The following CRHR1 variants were observed in gnomAD, a reference collection of about 807,000 sequenced individuals.
CRHR1 encodes corticotropin-releasing hormone receptor 1.
In CRHR1, 28 loss-of-function variants were observed where a neutral mutation model predicts 56.0. That is an observed-to-expected ratio of 0.50 (90% confidence interval 0.37 to 0.69). The LOEUF is 0.69. Ranked by LOEUF, CRHR1 falls within the 30% of genes least tolerant of loss-of-function variation. The probability of loss-of-function intolerance (pLI) is 0.00; values close to 1 mark genes in which losing one functional copy is unlikely to be tolerated. For missense variants in CRHR1, 376 were observed against 548.0 expected (o/e 0.69, Z 3.13); for synonymous variants, 195 against 216.5 (o/e 0.90, Z 0.87).
At chr17:45,830,345 G>C in intron 6 of CRHR1, 72 bp from the exon 7 acceptor site, 1 of 1,580,526 alleles carries the variant, frequency 6.3e-7, no homozygotes, top group Non-Finnish European at 8.6e-7. Context: ...CCTGCCCTGG[G>C]GAGGCCCAGG....
At chr17:45,798,770 G>A (rs892943964) in intron 1 of CRHR1, among the ~76,000 whole-genome samples, 5 of 152,240 alleles carry the variant, frequency 3.3e-5, no homozygotes, top group East Asian at 1.9e-4. Context: ...ACCCTGAGCC[G>A]GGGCCCCAGG....
Position 45,804,251 on chromosome 17 carries a change from T to C in CRHR1, c.34-2759T>C, listed in dbSNP as rs184165357. On this transcript the variant is annotated intron_variant, in intron 1 of 12. Transcript: ENST00000314537. The stretch of plus-strand genomic sequence containing the variant: ...AGTGTCCCGTGTGCAGAGCACAGGA[T>C]GGGGGTGTGAGGCTGGGGTTATGCT... 2.5e-3 allele frequency among the ~76,000 whole-genome samples: 387 copies of C among 151,962 alleles called. 1 individual carries two copies. Among genetic ancestry groups the C allele is most frequent in the African/African-American group, 9.0e-3 (372 of 41,342 alleles).
chr17:45,834,106 C>T lies in CRHR1; in HGVS notation c.1107+58C>T, dbSNP rs144395327. The T allele has an allele frequency of 4.6e-5, 73 of 1,587,240 alleles. No homozygotes were observed. In the African/African-American group the frequency reaches 6.2e-4, roughly 13 times the overall value. ...GGGCTGTGAGGCCTGTTGGGACTGG[C>T]GATTGTCTAGAGCCTTCTCCTCCCC... On this transcript the variant is annotated intron_variant, in intron 12 of 12. Coordinates refer to ENST00000314537, the MANE Select transcript of CRHR1 (RefSeq NM_004382.5).
chr17:45,809,179 A>C (rs1053698009), intron 2 of CRHR1, among the ~76,000 whole-genome samples: 4 of 152,190 alleles, frequency 2.6e-5, no homozygotes, highest in Admixed American at 2.0e-4. Context: ...TGGCGGAAGG[A>C]CCAGGAAGAA....
chr17:45,788,877 C>A (rs1340590792), intron 1 of CRHR1, among the ~76,000 whole-genome samples: 2 of 152,146 alleles, frequency 1.3e-5, no homozygotes, highest in Non-Finnish European at 2.9e-5. Flanking sequence ...TTGGAAAGAA[C>A]CCGTTTCTGT....
chr17:45,820,881 T>C (rs572100104), intron 3 of CRHR1, among the ~76,000 whole-genome samples: 2 of 152,324 alleles, frequency 1.3e-5, no homozygotes, highest in South Asian at 4.1e-4. Context: ...AGCCCTGTCA[T>C]GCCACCTGCC....
At chr17:45,833,587 C>A (rs1020401059) in intron 10 of CRHR1, 50 bp downstream of exon 10, 4 of 1,596,848 alleles carry the variant, frequency 2.5e-6, no homozygotes, top group Non-Finnish European at 3.4e-6. Flanking sequence ...AACCCCTGCT[C>A]CCCATGCCTC....
At chr17:45,815,944 G>A (rs2061918487) in intron 2 of CRHR1, among the ~76,000 whole-genome samples, 1 of 152,240 alleles carries the variant, frequency 6.6e-6, no homozygotes, top group Non-Finnish European at 1.5e-5. Context: ...AGAAGGAACA[G>A]GCCAGCCGGA....
chr17:45,811,587 T>C (rs1417020963), intron 2 of CRHR1, among the ~76,000 whole-genome samples: 1 of 152,182 alleles, frequency 6.6e-6, no homozygotes, highest in Non-Finnish European at 1.5e-5. Flanking sequence ...TGAAGGCGTC[T>C]ACCTGCCCCG....
At chr17:45,822,783 G>A (rs937117142) in intron 4 of CRHR1, among the ~76,000 whole-genome samples, 13 of 151,820 alleles carry the variant, frequency 8.6e-5, no homozygotes, top group Non-Finnish European at 1.5e-4. Flanking sequence ...ACCAGGAGGC[G>A]GAGGTTGCAG....
intron 2 of CRHR1, among the ~76,000 whole-genome samples, chr17:45,814,651 C>T (rs2061891470): frequency 6.6e-6 from 1 of 152,168 alleles, no homozygotes; most frequent in Non-Finnish European, 1.5e-5. Flanking sequence ...AAGTCCCTGT[C>T]CCCGGGCTCA....
chr17:45,810,812 A>G (rs1341507714), intron 2 of CRHR1, among the ~76,000 whole-genome samples: 2 of 152,104 alleles, frequency 1.3e-5, no homozygotes, highest in African/African-American at 4.8e-5. Flanking sequence ...AGCCAAACAG[A>G]AGGCAGCTCA....
chr17:45,819,984 A>G (rs1324353506), intron 3 of CRHR1, among the ~76,000 whole-genome samples: 10 of 152,146 alleles, frequency 6.6e-5, no homozygotes, highest in Non-Finnish European at 1.5e-4. Context: ...CCCTCCTTTT[A>G]TAAATGAGAA....
At chr17:45,809,695 C>T (rs934017297) in intron 2 of CRHR1, among the ~76,000 whole-genome samples, 2 of 152,150 alleles carry the variant, frequency 1.3e-5, no homozygotes, top group Non-Finnish European at 1.5e-5. Context: ...GGCGGAGGGG[C>T]GAGACAGATG....
rs1568034430 is a variant in CRHR1, at chr17:45,797,307, T to TTTTTTTC, written c.34-9702_34-9701insTTTTTCT. Among the ~76,000 whole-genome samples, 11 of 137,214 alleles carry TTTTTTTC rather than the reference T, an allele frequency of 8.0e-5. 1 individual carries two copies. Among genetic ancestry groups the TTTTTTTC allele is most frequent in the Admixed American group, 1.5e-4 (2 of 13,392 alleles). The allele number at this position is 137,214 out of a possible 152,430, so 90.0% of individuals were successfully genotyped here. On this transcript the variant is annotated intron_variant, in intron 1 of 12. Transcript: ENST00000314537. ...TCTTTTTTTTTTTTTTTTTTTTTTT[T>TTTTTTTC]TGAGACGGAGTCTCGCTGTGTCACC...
At chr17:45,824,327 C>T (rs139057261) in intron 4 of CRHR1, among the ~76,000 whole-genome samples, 1 of 152,224 alleles carries the variant, frequency 6.6e-6, no homozygotes, top group Non-Finnish European at 1.5e-5. Context: ...CCAGGAGGCA[C>T]AGCTAAGCCA....
At chr17:45,826,182 C>T (rs62057150) in intron 4 of CRHR1, 21,859 of 152,506 alleles carry the variant, frequency 0.14, 2,132 homozygotes, top group Middle Eastern at 0.22. Flanking sequence ...TCGTGGCCAT[C>T]GGTCGGGGTG....
chr17:45,833,693 T>TCGG, intron 10 of CRHR1, 21 bp from the exon 11 acceptor site: 5 of 1,571,614 alleles, frequency 3.2e-6, no homozygotes, highest in Non-Finnish European at 3.5e-6. Context: ...ACTCCGAGCC[T>TCGG]CCCCACCCGC....
At chr17:45,803,886 G>A (rs2061673632) in intron 1 of CRHR1, among the ~76,000 whole-genome samples, 1 of 152,164 alleles carries the variant, frequency 6.6e-6, no homozygotes, top group Non-Finnish European at 1.5e-5. Flanking sequence ...AGGGGCCTCT[G>A]GCCCTAGCAT....
Sources: gnomAD v4.1 joint callset for allele counts (sites outside exome capture counted in the v4.1 genomes callset) on GRCh38, gnomAD v4.1.1 for gene constraint, MANE v1.5 for transcripts, NCBI Gene and HGNC (gene_info 2026-07-23, HGNC 2026-07-21) for gene names.